CAPZB: variants seen among roughly 807,000 people sequenced by gnomAD.
CAPZB encodes the protein F-actin-capping protein subunit beta.
In CAPZB, 2 loss-of-function variants were observed where a neutral mutation model predicts 38.1. That is an observed-to-expected ratio of 0.05 (90% CI 0.02 to 0.17). The LOEUF is 0.17. Among genes scored for constraint, CAPZB ranks in the 10% least tolerant of loss-of-function variants. CAPZB has a pLI of 1.00. For missense variants in CAPZB, 161 were observed against 334.2 expected (o/e 0.48, Z 4.04); for synonymous variants, 107 against 127.4 (o/e 0.84, Z 1.08).
chr1:19,349,211 G>A (rs541544504), intron 6 of CAPZB, among the ~76,000 whole-genome samples: 1 of 152,240 alleles, frequency 6.6e-6, no homozygotes, highest in African/African-American at 2.4e-5. Context: ...CATCCACCCA[G>A]CTTCAAAAAG....
Position 19,454,731 on chromosome 1 carries a change from G to A in CAPZB, c.3+30705C>T, listed in dbSNP as rs563825694. ...ACTCATTTCAGAAAGCAATTGTCAC[G>A]ATCTTCTCTAAACTATTAATACTTA... is the stretch of plus-strand genomic sequence containing the variant. On this transcript the variant is annotated intron_variant, in intron 1 of 8. Coordinates refer to ENST00000264202, the MANE Select transcript of CAPZB (RefSeq NM_004930.5). Among the ~76,000 whole-genome samples the A allele has an allele frequency of 3.9e-5, 6 of 152,186 alleles. No homozygotes were observed. In the South Asian group the frequency reaches 1.0e-3, roughly 26 times the overall value.
intron 1 of CAPZB, among the ~76,000 whole-genome samples, chr1:19,446,248 C>G (rs1180845002): frequency 1.3e-5 from 2 of 152,214 alleles, no homozygotes; most frequent in African/African-American, 4.8e-5. Context: ...GCACTGCGTG[C>G]AGGAAAACTG....
At chr1:19,405,887 G>C (rs1160562417) in intron 2 of CAPZB, among the ~76,000 whole-genome samples, 2 of 152,330 alleles carry the variant, frequency 1.3e-5, no homozygotes, top group South Asian at 2.1e-4. Flanking sequence ...ATTAGGACCC[G>C]AGAGTCTGGA....
chr1:19,444,048 C>T (rs2100655823), intron 1 of CAPZB, among the ~76,000 whole-genome samples: 1 of 152,300 alleles, frequency 6.6e-6, no homozygotes, highest in South Asian at 2.1e-4. Context: ...ATCCCAGCTA[C>T]TCAGGGGGCT....
rs777943714 is a variant in CAPZB at position 19,378,581 on chromosome 1, C to T, written c.288G>A (p.Leu96=). The stretch of plus-strand genomic sequence containing the variant: ...CAAAGGCATTGTTGGCTTCCACCTC[C>T]AGCTTTCTCAGCCGAGCTGACGGCA... ...GAMPSARLRK[L]EVEANNAFDQ... Residue 96 remains leucine, a synonymous_variant, in exon 4 of 9, where the codon CTG becomes CTA. Transcript: ENST00000264202. The T allele has an allele frequency of 1.9e-6, 3 of 1,613,428 alleles. No homozygotes were observed. In the East Asian group the frequency reaches 6.7e-5, roughly 36 times the overall value.
At chr1:19,378,757 G>C (rs548213063) in intron 3 of CAPZB, 104 bp from the exon 4 acceptor site, 119 of 661,444 alleles carry the variant, frequency 1.8e-4, no homozygotes, top group Non-Finnish European at 2.7e-4. Context: ...CGGAGGCAAA[G>C]CCGCTAACTC....
chr1:19,443,102 C>A (rs1366148488), intron 1 of CAPZB, among the ~76,000 whole-genome samples: 1 of 152,048 alleles, frequency 6.6e-6, no homozygotes, highest in African/African-American at 2.4e-5. Context: ...AAAATCCATT[C>A]CTGGCCAGGA....
chr1:19,412,298 C>G (rs973520913), intron 2 of CAPZB, among the ~76,000 whole-genome samples: 2 of 152,200 alleles, frequency 1.3e-5, no homozygotes, highest in African/African-American at 4.8e-5. Flanking sequence ...GAGGAGAAAA[C>G]TTCCAGGCAG....
chr1:19,485,327 C>G, intron 1 of CAPZB, 109 bp downstream of exon 1: 1 of 775,120 alleles, frequency 1.3e-6, no homozygotes, highest in Non-Finnish European at 1.7e-6. Flanking sequence ...GACCCCGCCC[C>G]TCCCCCACCC....
At chr1:19,409,615 TC>T (rs1265430673) in intron 2 of CAPZB, among the ~76,000 whole-genome samples, 2 of 152,182 alleles carry the variant, frequency 1.3e-5, no homozygotes, top group Non-Finnish European at 2.9e-5. Flanking sequence ...AAAGCTTAGC[TC>T]CACCATCATA....
At chr1:19,392,091 G>A (rs1404709421) in intron 2 of CAPZB, among the ~76,000 whole-genome samples, 1 of 151,968 alleles carries the variant, frequency 6.6e-6, no homozygotes, top group Admixed American at 6.6e-5. Context: ...GCCGAAGCAG[G>A]AGAATCACTT....
intron 1 of CAPZB, among the ~76,000 whole-genome samples, chr1:19,439,642 C>T (rs2094469273): frequency 6.6e-6 from 1 of 152,258 alleles, no homozygotes; most frequent in African/African-American, 2.4e-5. Flanking sequence ...AAGTTCTCTG[C>T]CACATGGCAT....
intron 2 of CAPZB, among the ~76,000 whole-genome samples, chr1:19,386,795 TCA>T (rs2094206571): frequency 6.6e-6 from 1 of 152,174 alleles, no homozygotes; most frequent in Non-Finnish European, 1.5e-5. Flanking sequence ...GCCTCATAAC[TCA>T]CAGAAATTCT....
intron 1 of CAPZB, chr1:19,448,976 G>C: frequency 6.2e-7 from 1 of 1,603,842 alleles, no homozygotes. Context: ...GGGGCAAGAG[G>C]AAGTGGAAAC....
At chr1:19,395,992 TCCAGACCA>T (rs2094265829) in intron 2 of CAPZB, among the ~76,000 whole-genome samples, 1 of 152,208 alleles carries the variant, frequency 6.6e-6, no homozygotes, top group Admixed American at 6.5e-5. Flanking sequence ...TGCATGTCTA[TCCAGACCA>T]CCTTTCTTCC....
At chr1:19,382,937 C>T (rs1056216227) in intron 3 of CAPZB, among the ~76,000 whole-genome samples, 2 of 152,144 alleles carry the variant, frequency 1.3e-5, no homozygotes, top group Admixed American at 6.5e-5. Context: ...AGACCACTCA[C>T]CATCTTCACT....
At chr1:19,452,462 C>T (rs2094519657) in intron 1 of CAPZB, among the ~76,000 whole-genome samples, 1 of 152,182 alleles carries the variant, frequency 6.6e-6, no homozygotes, top group Admixed American at 6.5e-5. Context: ...TTCTATGACT[C>T]TCAAATTAGC....
intron 2 of CAPZB, among the ~76,000 whole-genome samples, chr1:19,391,694 G>T (rs1490987839): frequency 6.6e-6 from 1 of 152,210 alleles, no homozygotes; most frequent in Non-Finnish European, 1.5e-5. Flanking sequence ...TCAGTCACTT[G>T]CTGGCTGAGT....
At chr1:19,354,567 G>A (rs570368731) in intron 6 of CAPZB, among the ~76,000 whole-genome samples, 5 of 152,324 alleles carry the variant, frequency 3.3e-5, no homozygotes, top group Admixed American at 6.5e-5. Flanking sequence ...AAAAGGCAAC[G>A]CAAACAAAGT....
Sources: allele counts gnomAD v4.1 joint callset (sites outside exome capture counted in the v4.1 genomes callset), GRCh38; gene constraint gnomAD v4.1.1; transcripts MANE v1.5; gene names NCBI Gene and HGNC (gene_info 2026-07-23, HGNC 2026-07-21).